Variants in CAMKMT observed in about 807,000 individuals in gnomAD.
CAMKMT encodes calmodulin-lysine N-methyltransferase.
CAMKMT carries 53 observed loss-of-function variants against 48.0 expected under a neutral mutation model. That is an observed-to-expected ratio of 1.10 (90% CI 0.89 to 1.39). The LOEUF (loss-of-function observed/expected upper bound fraction) is 1.39. Ranked by LOEUF, CAMKMT falls within the 40% of genes most tolerant of loss-of-function variation. The pLI, the probability that CAMKMT is intolerant of heterozygous loss-of-function variation, is 0.00. For synonymous variants in CAMKMT, 165 were observed against 152.3 expected (o/e 1.08, Z -0.61); for missense variants, 428 against 402.7 (o/e 1.06, Z -0.54).
intron 7 of CAMKMT, among the ~76,000 whole-genome samples, chr2:44,729,946 AATTAT>A (rs1678992601): frequency 6.6e-6 from 1 of 152,132 alleles, no homozygotes; most frequent in South Asian, 2.1e-4. Context: ...ACTATCTAAG[AATTAT>A]GATGTATGCC....
Position 44,673,475 on chromosome 2 carries a change from A to AAGGAAGGG in CAMKMT, c.377-30801_377-30800insGAGGAAGG, listed in dbSNP as rs1675465029. On this transcript the variant is annotated intron_variant, in intron 3 of 10. Coordinates refer to ENST00000378494, the MANE Select transcript of CAMKMT (RefSeq NM_024766.5). ...AGAAAGAGAAAGAAAGAGAGAGAGG[A>AAGGAAGGG]AGGAAGGAAGGAAGGAAGGAAGGAA... Among the ~76,000 whole-genome samples, 12 of 78,854 alleles carry AAGGAAGGG rather than the reference A, an allele frequency of 1.5e-4. No individual in the cohort carries two copies. The South Asian group carries it at 8.1e-3, about 53-fold the overall frequency. The allele number at this position is 78,854 out of a possible 152,430, so 51.7% of individuals were successfully genotyped here.
At chr2:44,476,602 T>C (rs181728788) in intron 3 of CAMKMT, among the ~76,000 whole-genome samples, 53 of 152,096 alleles carry the variant, frequency 3.5e-4, no homozygotes, top group Admixed American at 3.9e-4. Flanking sequence ...AAAAAAACTT[T>C]ATATGTTTGT....
chr2:44,533,235 A>G (rs763835817), intron 3 of CAMKMT, among the ~76,000 whole-genome samples: 3 of 150,908 alleles, frequency 2.0e-5, no homozygotes, highest in African/African-American at 4.9e-5. Flanking sequence ...AAAATAATTA[A>G]TAACAGATTT....
Position 44,772,081 on chromosome 2 carries a change from C to CGGG in CAMKMT, c.940_941insGGG (p.Pro314delinsArgAla). The CGGG allele has an allele frequency of 6.2e-7, 1 of 1,613,732 alleles. No homozygotes were observed. Among genetic ancestry groups the CGGG allele is most frequent in the Non-Finnish European group, 8.5e-7 (1 of 1,179,906 alleles). ...CATATATGAAGAAAACCTTCATTACCCGCTTCTGCTTATTTTGACCAAACA... is the reference window on the plus strand; with the variant it reads ...CATATATGAAGAAAACCTTCATTACCGGGCGCTTCTGCTTATTTTGACCAAACA... On this transcript the variant is annotated protein_altering_variant, in exon 11 of 11. Transcript: ENST00000378494.
intron 3 of CAMKMT, among the ~76,000 whole-genome samples, chr2:44,461,727 A>G (rs1032172696): frequency 2.0e-5 from 3 of 152,206 alleles, no homozygotes; most frequent in African/African-American, 7.2e-5. Context: ...TCTTTTCAAA[A>G]TTTATTTTGC....
intron 1 of CAMKMT, among the ~76,000 whole-genome samples, chr2:44,368,238 T>C (rs1042311287): frequency 2.0e-5 from 3 of 152,202 alleles, no homozygotes; most frequent in African/African-American, 7.2e-5. Context: ...TATTTAATTA[T>C]ATAACATGGG....
At chr2:44,605,027 A>AT (rs1204197753) in intron 3 of CAMKMT, among the ~76,000 whole-genome samples, 3 of 152,244 alleles carry the variant, frequency 2.0e-5, no homozygotes, top group Middle Eastern at 3.4e-3. Flanking sequence ...AGGACATGCA[A>AT]TTACAAGGCC....
At chr2:44,424,837 G>A (rs2104519707) in intron 3 of CAMKMT, among the ~76,000 whole-genome samples, 1 of 152,184 alleles carries the variant, frequency 6.6e-6, no homozygotes, top group African/African-American at 2.4e-5. Flanking sequence ...TGATGGGTGT[G>A]CCAAAATCTC....
At chr2:44,589,274 C>G (rs1670110768) in intron 3 of CAMKMT, among the ~76,000 whole-genome samples, 1 of 49,062 alleles carries the variant, frequency 2.0e-5, no homozygotes, top group Non-Finnish European at 4.3e-5. Flanking sequence ...GGGGTCAGCC[C>G]CCCGCCTGGC....
At chr2:44,489,430 A>G (rs1042956604) in intron 3 of CAMKMT, among the ~76,000 whole-genome samples, 3 of 151,544 alleles carry the variant, frequency 2.0e-5, no homozygotes, top group Non-Finnish European at 2.9e-5. Flanking sequence ...ATTTTTAGTA[A>G]AGACGGGGTT....
intron 3 of CAMKMT, among the ~76,000 whole-genome samples, chr2:44,488,221 G>A (rs562631880): frequency 5.3e-5 from 8 of 152,070 alleles, no homozygotes; most frequent in East Asian, 1.9e-4. Context: ...TGTGTTGGCC[G>A]GGCGCGGTGG....
chr2:44,505,418 T>A (rs182402153), intron 3 of CAMKMT, among the ~76,000 whole-genome samples: 3 of 152,324 alleles, frequency 2.0e-5, no homozygotes, highest in Non-Finnish European at 4.4e-5. Context: ...TTATTTTTCT[T>A]TGTGGGTTGT....
Position 44,761,114 on chromosome 2 carries a change from A to C in CAMKMT, c.763-5316A>C, listed in dbSNP as rs1049550527. Among the ~76,000 whole-genome samples the C allele has an allele frequency of 3.3e-5, 5 of 152,324 alleles. No individual in the cohort carries two copies. In the East Asian group the frequency reaches 9.7e-4, roughly 29 times the overall value. Reference sequence around the variant, plus strand: ...TGGGGGCAGGGAGTGGAGGTGGCCAACTGGGGAGGAGGCACAGTAGGGAGG... The same window carrying C: ...TGGGGGCAGGGAGTGGAGGTGGCCACCTGGGGAGGAGGCACAGTAGGGAGG... On this transcript the variant is annotated intron_variant, in intron 9 of 10. Transcript: ENST00000378494.
At chr2:44,726,412 C>T (rs560795082) in intron 7 of CAMKMT, among the ~76,000 whole-genome samples, 3 of 152,178 alleles carry the variant, frequency 2.0e-5, no homozygotes, top group South Asian at 2.1e-4. Flanking sequence ...GTTTGTTGGC[C>T]GCTTGGTGTA....
chr2:44,464,160 A>T (rs977533182), intron 3 of CAMKMT, among the ~76,000 whole-genome samples: 1 of 152,186 alleles, frequency 6.6e-6, no homozygotes, highest in African/African-American at 2.4e-5. Flanking sequence ...AAAAGAACAA[A>T]CTAGAAATTC....
At chr2:44,565,183 A>C (rs917191990) in intron 3 of CAMKMT, among the ~76,000 whole-genome samples, 3 of 152,226 alleles carry the variant, frequency 2.0e-5, no homozygotes. Context: ...AACTATGGCA[A>C]GGGTGGCTTG....
intron 9 of CAMKMT, among the ~76,000 whole-genome samples, chr2:44,765,524 T>TC (rs1487609653): frequency 3.4e-5 from 5 of 145,146 alleles, no homozygotes; most frequent in Non-Finnish European, 7.6e-5. Flanking sequence ...ATCTTTATTT[T>TC]TTTTTTTAAA....
At chr2:44,489,111 C>A (rs78620095) in intron 3 of CAMKMT, among the ~76,000 whole-genome samples, 3,113 of 152,170 alleles carry the variant, frequency 0.02, 110 homozygotes, top group African/African-American at 0.071. Context: ...AGGCAATCCT[C>A]CTCCTGCCTC....
At chr2:44,762,668 TAAAA>T (rs1680668801) in intron 9 of CAMKMT, among the ~76,000 whole-genome samples, 2 of 152,116 alleles carry the variant, frequency 1.3e-5, no homozygotes, top group Admixed American at 6.5e-5. Context: ...AAAAATAAAA[TAAAA>T]ATAAATCTGA....
Sources: gnomAD v4.1 joint callset for allele counts (sites outside exome capture counted in the v4.1 genomes callset) on GRCh38, gnomAD v4.1.1 for gene constraint, MANE v1.5 for transcripts, NCBI Gene and HGNC (gene_info 2026-07-23, HGNC 2026-07-21) for gene names.